The following WFDC13 variants were observed in gnomAD, a reference collection of about 807,000 sequenced individuals.
The protein encoded by WFDC13 is WAP four-disulfide core domain 13.
In WFDC13, 6 loss-of-function variants were observed where a neutral mutation model predicts 10.9. That is an observed-to-expected ratio of 0.55 (90% CI 0.30 to 1.09). WFDC13 has a LOEUF of 1.09. WFDC13 is among the 50% of genes least tolerant of loss of function. The probability of loss-of-function intolerance (pLI) is 0.06; values close to 1 mark genes in which losing one functional copy is unlikely to be tolerated. For missense variants in WFDC13, 104 were observed against 109.6 expected, an observed-to-expected ratio of 0.95 and a Z score of 0.23; for synonymous variants, 38 against 39.5, an observed-to-expected ratio of 0.96 and a Z score of 0.14.
chr20:45,708,688 T>TA lies in WFDC13; in HGVS notation c.*857dup. ...ATTAAAAAGGTATTATAAAGGTATT[T>TA]AAAATAATAATAATAAAGTGTTATT... On this transcript the variant is annotated 3_prime_UTR_variant, in exon 4 of 4. Transcript: ENST00000305479. 1 of 152,340 alleles carries TA rather than the reference T, an allele frequency of 6.6e-6. No individual in the cohort carries two copies. Among genetic ancestry groups the TA allele is most frequent in the Admixed American group, 6.5e-5 (1 of 15,302 alleles). 9.4% of individuals were successfully genotyped at this position (152,340 alleles called of 1,614,324 possible). A position where few individuals can be genotyped will look rare whatever the true frequency, so the allele number is the denominator to read the frequency against.
At chr20:45,704,694 T>C in intron 2 of WFDC13, 100 bp downstream of exon 2, 1 of 1,512,458 alleles carries the variant, frequency 6.6e-7, no homozygotes, top group Middle Eastern at 1.8e-4. Context: ...CTCCTTTTTT[T>C]TTTTTTTCCT....
chr20:45,702,266 A>T, intron 1 of WFDC13, 55 bp downstream of exon 1: 2 of 1,535,084 alleles, frequency 1.3e-6, no homozygotes, highest in Middle Eastern at 1.7e-4. Context: ...ATAGGAGAGG[A>T]TCTGAGGGCT....
chr20:45,705,150 C>A (rs1261853641), intron 2 of WFDC13: 5 of 658,782 alleles, frequency 7.6e-6, no homozygotes, highest in Non-Finnish European at 1.3e-5. Context: ...GGTTTCTAAT[C>A]CCATCTTGCA....
At position 45,704,614 on chromosome 20, in the gene WFDC13, C is replaced by T; in HGVS notation, c.239+20C>T. 6.2e-7 allele frequency: 1 copy of T among 1,612,426 alleles called. No homozygotes were observed. Among genetic ancestry groups the T allele is most frequent in the Non-Finnish European group, 8.5e-7 (1 of 1,179,318 alleles). ...CAACAGGTAAGAGATATCTCATATC[C>T]AGGTCTGATCCTAGAGCTGCTGGTG... On this transcript the variant is annotated intron_variant, in intron 2 of 3. Transcript: ENST00000305479.
intron 1 of WFDC13, among the ~76,000 whole-genome samples, chr20:45,702,596 CAG>C (rs999810138): frequency 1.3e-5 from 2 of 152,178 alleles, no homozygotes; most frequent in South Asian, 2.1e-4. Context: ...AGCAATAAAA[CAG>C]AGAGACAACG....
chr20:45,702,354 T>C, intron 1 of WFDC13, 143 bp downstream of exon 1: 1 of 855,014 alleles, frequency 1.2e-6, no homozygotes, highest in South Asian at 1.7e-5. Context: ...AGATCTAGGT[T>C]TGAATCCCTG....
chr20:45,707,067 A>G (rs1452947178), intron 3 of WFDC13, among the ~76,000 whole-genome samples: 1 of 152,258 alleles, frequency 6.6e-6, no homozygotes, highest in African/African-American at 2.4e-5. Flanking sequence ...CCAGTGGAGC[A>G]GTTTAGACGC....
intron 2 of WFDC13, 118 bp from the exon 3 acceptor site, chr20:45,705,745 G>T: frequency 1.1e-6 from 1 of 933,558 alleles, no homozygotes; most frequent in South Asian, 1.7e-5. Context: ...CCTTCCCTAT[G>T]GCAAGAGAAA....
At chr20:45,704,685 T>G in intron 2 of WFDC13, 91 bp downstream of exon 2, 2 of 1,451,128 alleles carry the variant, frequency 1.4e-6, no homozygotes, top group Non-Finnish European at 1.8e-6. Context: ...GCTGGATCTC[T>G]CCTTTTTTTT....
intron 2 of WFDC13, 122 bp from the exon 3 acceptor site, chr20:45,705,741 C>A: frequency 2.2e-6 from 2 of 889,474 alleles, no homozygotes; most frequent in Non-Finnish European, 1.7e-6. Context: ...TCTGCCTTCC[C>A]TATGGCAAGA....
chr20:45,707,627 TA>T lies in WFDC13; in HGVS notation c.*23-225del, dbSNP rs150152238. On this transcript the variant is annotated intron_variant, in intron 3 of 3. Transcript: ENST00000305479. ...CTTTAAGCTACATAAAGCTGATGTC[TA>T]AAAAATGATGGCTAATTAAAGGTGA... 6.8e-3 allele frequency among the ~76,000 whole-genome samples: 1,043 copies of T among 152,296 alleles called. 15 individuals carry two copies. Among genetic ancestry groups the T allele is most frequent in the African/African-American group, 0.024 (1,000 of 41,548 alleles).
intron 2 of WFDC13, 93 bp downstream of exon 2, chr20:45,704,687 C>CTTTTTTTTTTT: frequency 7.5e-7 from 1 of 1,333,344 alleles, no homozygotes. Context: ...TGGATCTCTC[C>CTTTTTTTTTTT]TTTTTTTTTT....
At position 45,702,212 on chromosome 20, in the gene WFDC13, G is replaced by A. The variant is rs147189423; in HGVS notation, c.88+1G>A. ...GGGAGTCCCAAGCAGCGTGTTCTGA[G>A]TAGGTGCTGGATCTGGGCCCAAGGA... On this transcript the variant is annotated splice_donor_variant, in intron 1 of 3. Coordinates refer to ENST00000305479, the MANE Select transcript of WFDC13 (RefSeq NM_172005.2). LOFTEE classifies it high-confidence loss of function. 6.2e-7 allele frequency: 1 copy of A among 1,611,168 alleles called. No individual in the cohort carries two copies. The highest frequency in any genetic ancestry group is 1.3e-5 in the African/African-American group (1 of 74,998).
intron 3 of WFDC13, among the ~76,000 whole-genome samples, chr20:45,706,866 C>CA (rs1332950938): frequency 1.3e-5 from 2 of 151,908 alleles, no homozygotes; most frequent in Non-Finnish European, 2.9e-5. Flanking sequence ...ATTCCACCAC[C>CA]AAAAAAATGA....
At chr20:45,706,704 A>G (rs1984405176) in intron 3 of WFDC13, among the ~76,000 whole-genome samples, 2 of 151,296 alleles carry the variant, frequency 1.3e-5, no homozygotes, top group Non-Finnish European at 2.9e-5. Flanking sequence ...CCCAGGAGGC[A>G]GAGGTTGCAG....
intron 2 of WFDC13, chr20:45,704,805 C>T: frequency 1.5e-6 from 2 of 1,311,620 alleles, no homozygotes; most frequent in South Asian, 2.5e-5. Flanking sequence ...CACCACATCC[C>T]ATCACCATAT....
rs143587653 is a variant in WFDC13, at chr20:45,705,895, C to A, written c.272C>A (p.Pro91His). 7.4e-6 allele frequency: 12 copies of A among 1,613,864 alleles called. No homozygotes were observed. Among genetic ancestry groups the A allele is most frequent in the Non-Finnish European group, 1.0e-5 (12 of 1,179,990 alleles). ...IKHKGSEVIM[P>H]AN ...CACAAGGGCTCAGAAGTCATCATGCCTGCCAACTGAGGCATATTTCCTAGA... is the reference window on the plus strand; with the variant it reads ...CACAAGGGCTCAGAAGTCATCATGCATGCCAACTGAGGCATATTTCCTAGA... Residue 91 changes from proline (P) to histidine (H), a missense_variant, in exon 3 of 4, where the codon CCT (proline) becomes CAT (histidine). Physicochemically the swap from Pro to His is moderately conservative, Grantham distance 77. Transcript: ENST00000305479.
intron 1 of WFDC13, among the ~76,000 whole-genome samples, 178 bp downstream of exon 1, chr20:45,702,389 A>G (rs1003269316): frequency 2.6e-5 from 4 of 152,216 alleles, no homozygotes; most frequent in South Asian, 4.1e-4. Context: ...GACCTTGGGC[A>G]TAGTATCTGG....
At position 45,707,892 on chromosome 20, in the gene WFDC13, G is replaced by A. The variant is rs1385373232; in HGVS notation, c.*57G>A. 6.6e-6 allele frequency: 1 copy of A among 152,144 alleles called. No individual in the cohort carries two copies. The highest frequency in any genetic ancestry group is 1.9e-4 in the East Asian group (1 of 5,196). 9.4% of individuals were successfully genotyped at this position (152,144 alleles called of 1,614,324 possible). On this transcript the variant is annotated 3_prime_UTR_variant, in exon 4 of 4. Transcript: ENST00000305479. ...ATGTTTTTTCTTGGTCCACCTTTAG[G>A]AAGGTATTGAGAAGCAAGAAACTGG...
Sources: gnomAD v4.1 joint callset for allele counts (sites outside exome capture counted in the v4.1 genomes callset) on GRCh38, gnomAD v4.1.1 for gene constraint, MANE v1.5 for transcripts, NCBI Gene and HGNC (gene_info 2026-07-23, HGNC 2026-07-21) for gene names.